The following MACROD2 variants were observed in gnomAD, a reference collection of about 807,000 sequenced individuals.
The protein encoded by MACROD2 is mono-ADP ribosylhydrolase 2.
A neutral mutation model predicts 70.4 loss-of-function variants in MACROD2; 36 were observed. The observed-to-expected ratio is 0.51, with a 90% CI of 0.39 to 0.68. The LOEUF is 0.68. Among genes scored for constraint, MACROD2 ranks in the 30% least tolerant of loss-of-function variants. The pLI is 0.00. For missense variants in MACROD2, 496 were observed against 538.4 expected, an observed-to-expected ratio of 0.92 and a Z score of 0.78; for synonymous variants, 172 against 178.8, an observed-to-expected ratio of 0.96 and a Z score of 0.30.
At chr20:14,527,638 C>T (rs543048377) in intron 4 of MACROD2, among the ~76,000 whole-genome samples, 4 of 152,310 alleles carry the variant, frequency 2.6e-5, no homozygotes, top group East Asian at 1.9e-4. Flanking sequence ...CAATGTCTCA[C>T]GCTGTGCATT....
intron 4 of MACROD2, among the ~76,000 whole-genome samples, chr20:14,624,952 T>G (rs1419696170): frequency 6.6e-6 from 1 of 152,150 alleles, no homozygotes; most frequent in Non-Finnish European, 1.5e-5. Flanking sequence ...ACATTGCACC[T>G]TTTGTATGGT....
At chr20:14,767,134 G>T (rs918053993) in intron 5 of MACROD2, among the ~76,000 whole-genome samples, 81 of 152,170 alleles carry the variant, frequency 5.3e-4, no homozygotes, top group African/African-American at 1.8e-3. Flanking sequence ...TTCAAGACCA[G>T]CCTAGGCAAC....
At chr20:15,294,616 G>C (rs1410770981) in intron 6 of MACROD2, among the ~76,000 whole-genome samples, 1 of 152,072 alleles carries the variant, frequency 6.6e-6, no homozygotes, top group African/African-American at 2.4e-5. Context: ...ATTTTTTCCT[G>C]CCATGCTGCC....
intron 8 of MACROD2, among the ~76,000 whole-genome samples, chr20:15,802,716 A>G (rs560759605): frequency 6.6e-6 from 1 of 152,288 alleles, no homozygotes; most frequent in African/African-American, 2.4e-5. Flanking sequence ...ACATTGGATC[A>G]ATGAAGTGAA....
At chr20:15,548,650 T>C (rs1008574110) in intron 8 of MACROD2, among the ~76,000 whole-genome samples, 3 of 152,264 alleles carry the variant, frequency 2.0e-5, no homozygotes, top group South Asian at 4.2e-4. Flanking sequence ...CACCTTGGCC[T>C]CCCAAAGTGC....
intron 3 of MACROD2, among the ~76,000 whole-genome samples, chr20:14,309,475 TG>T (rs2082547746): frequency 6.6e-6 from 1 of 152,166 alleles, no homozygotes; most frequent in Admixed American, 6.5e-5. Flanking sequence ...TCTAAATTCT[TG>T]GGGCAGTGGA....
intron 6 of MACROD2, among the ~76,000 whole-genome samples, chr20:15,332,717 G>A (rs1568728110): frequency 6.6e-6 from 1 of 151,616 alleles, no homozygotes; most frequent in Non-Finnish European, 1.5e-5. Flanking sequence ...ATCCTTTATA[G>A]TTGCTTTGAT....
intron 8 of MACROD2, among the ~76,000 whole-genome samples, chr20:15,559,559 T>C (rs1337522654): frequency 1.3e-5 from 2 of 152,204 alleles, no homozygotes; most frequent in African/African-American, 2.4e-5. Context: ...TTGGAAGAAT[T>C]GAGGACAAAG....
intron 8 of MACROD2, among the ~76,000 whole-genome samples, chr20:15,574,814 A>G (rs1181576049): frequency 1.3e-5 from 2 of 152,196 alleles, no homozygotes; most frequent in African/African-American, 4.8e-5. Flanking sequence ...GTTATCAGGC[A>G]TGAGCAAATG....
At chr20:14,050,287 A>G (rs1288848086) in intron 2 of MACROD2, among the ~76,000 whole-genome samples, 1 of 152,118 alleles carries the variant, frequency 6.6e-6, no homozygotes. Flanking sequence ...AAGAACTCAT[A>G]TGGGAAGAAG....
intron 15 of MACROD2, among the ~76,000 whole-genome samples, chr20:15,987,935 TG>T: frequency 6.6e-6 from 1 of 152,168 alleles, no homozygotes; most frequent in Non-Finnish European, 1.5e-5. Flanking sequence ...AATATGTATT[TG>T]CAAAGCAGTT....
chr20:15,232,135 G>A (rs554680505), intron 6 of MACROD2, among the ~76,000 whole-genome samples: 7 of 151,498 alleles, frequency 4.6e-5, no homozygotes, highest in Admixed American at 2.6e-4. Context: ...TTTATATGGT[G>A]TGTCATGTTC....
chr20:15,339,403 T>C (rs1014996006), intron 6 of MACROD2, among the ~76,000 whole-genome samples: 5 of 151,808 alleles, frequency 3.3e-5, no homozygotes, highest in Non-Finnish European at 5.9e-5. Context: ...CAAAACATAT[T>C]ACTCATTGAC....
In MACROD2 at chr20:14,230,690, T is replaced by C. The variant is rs865905983; in HGVS notation, c.271+144962T>C. On this transcript the variant is annotated intron_variant, in intron 3 of 17. Coordinates refer to ENST00000684519, the MANE Select transcript of MACROD2 (RefSeq NM_001351661.2). Reference sequence around the variant, plus strand: ...GGGCCTATATATATATATATATATATATATATATATGGGCCCAGCCTATGT... The same window carrying C: ...GGGCCTATATATATATATATATATACATATATATATGGGCCCAGCCTATGT... Among the ~76,000 whole-genome samples, 21 of 124,908 alleles carry C rather than the reference T, an allele frequency of 1.7e-4. 1 individual carries two copies. The highest frequency in any genetic ancestry group is 4.0e-3 in the Middle Eastern group (1 of 250). 81.9% of individuals were successfully genotyped at this position (124,908 alleles called of 152,430 possible).
In MACROD2 at chr20:14,625,817, G is replaced by T. The variant is rs570642085; in HGVS notation, c.302-59026G>T. Among the ~76,000 whole-genome samples, 12 of 151,726 alleles carry T rather than the reference G, an allele frequency of 7.9e-5. 1 individual carries two copies. In the East Asian group the frequency reaches 2.3e-3, roughly 30 times the overall value. The stretch of plus-strand genomic sequence containing the variant: ...TGTTTGAGGGCTTTAGAGTTTCTGG[G>T]TTTTTTTTGTTGTTGTTGTTTTTCA... On this transcript the variant is annotated intron_variant, in intron 4 of 17. Coordinates refer to ENST00000684519, the MANE Select transcript of MACROD2 (RefSeq NM_001351661.2).
intron 5 of MACROD2, among the ~76,000 whole-genome samples, chr20:14,793,734 G>A (rs761584408): frequency 1.3e-5 from 2 of 152,016 alleles, no homozygotes; most frequent in Non-Finnish European, 2.9e-5. Context: ...CCCAGCTGGG[G>A]CTGATAACTC....
chr20:15,225,529 A>T (rs2076898199), intron 5 of MACROD2, among the ~76,000 whole-genome samples: 1 of 152,170 alleles, frequency 6.6e-6, no homozygotes, highest in African/African-American at 2.4e-5. Flanking sequence ...CTGCTAGTTT[A>T]TCCTTCCAGA....
At chr20:14,450,879 A>C (rs1252613640) in intron 3 of MACROD2, among the ~76,000 whole-genome samples, 1 of 152,160 alleles carries the variant, frequency 6.6e-6, no homozygotes, top group African/African-American at 2.4e-5. Context: ...AGAGATGGTT[A>C]CACTAGAGCA....
intron 5 of MACROD2, among the ~76,000 whole-genome samples, chr20:14,797,043 A>C (rs1253867993): frequency 6.6e-6 from 1 of 151,948 alleles, no homozygotes; most frequent in Non-Finnish European, 1.5e-5. Flanking sequence ...GAGGAGGTGA[A>C]GCCAAAAATC....
Sources: allele counts gnomAD v4.1 joint callset (sites outside exome capture counted in the v4.1 genomes callset), GRCh38; gene constraint gnomAD v4.1.1; transcripts MANE v1.5; gene names NCBI Gene and HGNC (gene_info 2026-07-23, HGNC 2026-07-21).